Variants in SHLD2 observed in about 807,000 individuals in gnomAD.
The protein encoded by SHLD2 is RINN1-REV7-interacting novel NHEJ regulator 2.
A neutral mutation model predicts 73.2 loss-of-function variants in SHLD2; 30 were observed. The ratio of observed to expected loss-of-function variants is 0.41; its 90% CI spans 0.31 to 0.56. The LOEUF (loss-of-function observed/expected upper bound fraction) is 0.56, where lower values mean the gene tolerates loss of function less well. SHLD2 is among the 20% of genes least tolerant of loss of function. SHLD2 has a pLI of 0.28. For synonymous variants in SHLD2, 285 were observed against 370.1 expected (o/e 0.77, Z 2.64); for missense variants, 745 against 1,055.9 (o/e 0.71, Z 4.08).
intron 2 of SHLD2, among the ~76,000 whole-genome samples, chr10:87,149,107 C>T (rs1422428492): frequency 3.3e-5 from 5 of 151,690 alleles, no homozygotes; most frequent in East Asian, 2.0e-4. Flanking sequence ...AGGCTGGTCT[C>T]GGACTCCTGA....
At chr10:87,102,517 G>C (rs1428322277) in intron 2 of SHLD2, among the ~76,000 whole-genome samples, 1 of 151,908 alleles carries the variant, frequency 6.6e-6, no homozygotes, top group African/African-American at 2.4e-5. Flanking sequence ...AGACCAGCCT[G>C]GCCAACATGG....
chr10:87,142,301 A>G (rs1845253226), intron 2 of SHLD2, among the ~76,000 whole-genome samples: 1 of 152,240 alleles, frequency 6.6e-6, no homozygotes, highest in Non-Finnish European at 1.5e-5. Context: ...CTTTGGGAGC[A>G]TATGTCATAT....
chr10:87,181,478 A>T, intron 8 of SHLD2, among the ~76,000 whole-genome samples: 1 of 152,230 alleles, frequency 6.6e-6, no homozygotes, highest in Non-Finnish European at 1.5e-5. Flanking sequence ...TGACTTATTT[A>T]TGTCATTCCA....
intron 2 of SHLD2, among the ~76,000 whole-genome samples, chr10:87,112,567 C>T (rs1449401020): frequency 2.7e-5 from 4 of 148,896 alleles, no homozygotes; most frequent in South Asian, 2.2e-4. Context: ...CCTGTGCCGT[C>T]GAGGCTGCAG....
chr10:87,190,886 CTTA>C lies in SHLD2; in HGVS notation c.*204_*206del. ...AAAGATTGTTTTTGTCTTTTGGTTT[CTTA>C]CTTTCTCCTGGAGAAATGATCTACC... On this transcript the variant is annotated 3_prime_UTR_variant, in exon 10 of 10. Coordinates refer to ENST00000298786, the MANE Select transcript of SHLD2 (RefSeq NM_001330112.2). 3.4e-6 allele frequency: 2 copies of C among 587,822 alleles called. No homozygotes were observed. The highest frequency in any genetic ancestry group is 4.2e-5 in the South Asian group (2 of 47,562). 36.4% of individuals were successfully genotyped at this position (587,822 alleles called of 1,614,324 possible).
intron 3 of SHLD2, among the ~76,000 whole-genome samples, chr10:87,155,830 A>G (rs999811491): frequency 2.0e-5 from 3 of 152,124 alleles, no homozygotes; most frequent in African/African-American, 7.2e-5. Context: ...ATTATAAGAC[A>G]TTTAGATGAT....
chr10:87,135,241 A>G (rs1184478662), intron 2 of SHLD2, among the ~76,000 whole-genome samples: 2 of 151,964 alleles, frequency 1.3e-5, no homozygotes, highest in Non-Finnish European at 1.5e-5. Flanking sequence ...TTCATTAACT[A>G]AAGTCCATAC....
At chr10:87,150,941 C>T (rs1315711818) in intron 2 of SHLD2, among the ~76,000 whole-genome samples, 1 of 151,924 alleles carries the variant, frequency 6.6e-6, no homozygotes, top group African/African-American at 2.4e-5. Flanking sequence ...ATTCTTCTGC[C>T]TCAGCCTTCA....
chr10:87,187,629 C>T (rs1185612557), intron 9 of SHLD2, among the ~76,000 whole-genome samples: 2 of 152,176 alleles, frequency 1.3e-5, no homozygotes, highest in African/African-American at 4.8e-5. Flanking sequence ...AAACTCCATT[C>T]CTGTTCTCAT....
chr10:87,145,131 C>T (rs1290056867), intron 2 of SHLD2, among the ~76,000 whole-genome samples: 1 of 151,296 alleles, frequency 6.6e-6, no homozygotes, highest in African/African-American at 2.4e-5. Context: ...TTAGTGGAGA[C>T]GGGGTTTCAC....
chr10:87,159,369 A>G (rs1846652928), intron 4 of SHLD2, among the ~76,000 whole-genome samples: 1 of 152,198 alleles, frequency 6.6e-6, no homozygotes, highest in Admixed American at 6.5e-5. Context: ...TATATTTATT[A>G]TGTGTTGACA....
rs1015494022 is a variant in SHLD2 at position 87,176,164 on chromosome 10, C to T, written c.2170+69C>T. 9 of 1,538,756 alleles carry T rather than the reference C, an allele frequency of 5.8e-6. No individual in the cohort carries two copies. In the African/African-American group the frequency reaches 1.1e-4, roughly 19 times the overall value. On this transcript the variant is annotated intron_variant, in intron 7 of 9. Coordinates refer to ENST00000298786, the MANE Select transcript of SHLD2 (RefSeq NM_001330112.2). ...TGAAACAGGGTCTTGCTCTGTTGCT[C>T]AGGCTGGAATACAGTGGTGTGAACA...
chr10:87,102,054 AT>A (rs1459025994), intron 2 of SHLD2, among the ~76,000 whole-genome samples: 1 of 151,852 alleles, frequency 6.6e-6, no homozygotes, highest in African/African-American at 2.4e-5. Context: ...GTTTTATTTC[AT>A]TTTCTTGCCT....
At chr10:87,095,324 A>T (rs778289787) in intron 1 of SHLD2, 76 bp downstream of exon 1, 507 of 151,662 alleles carry the variant, frequency 3.3e-3, no homozygotes, top group Non-Finnish European at 5.1e-3. Flanking sequence ...TGGCCTCTGT[A>T]GGGCGCTCAG....
At chr10:87,123,478 C>T (rs1395049001) in intron 2 of SHLD2, among the ~76,000 whole-genome samples, 3 of 151,728 alleles carry the variant, frequency 2.0e-5, no homozygotes, top group Non-Finnish European at 4.4e-5. Context: ...GCATTTTTAG[C>T]AGTTGTTGGC....
intron 2 of SHLD2, among the ~76,000 whole-genome samples, chr10:87,103,354 G>C (rs1326681604): frequency 6.6e-6 from 1 of 152,072 alleles, no homozygotes; most frequent in Non-Finnish European, 1.5e-5. Flanking sequence ...GGATACTATG[G>C]AAACAGCATA....
rs1256703709 is a variant in SHLD2 at position 87,151,913 on chromosome 10, A to G, written c.559A>G (p.Ile187Val). 3 of 1,611,414 alleles carry G rather than the reference A, an allele frequency of 1.9e-6. No individual in the cohort carries two copies. The highest frequency in any genetic ancestry group is 4.5e-5 in the East Asian group (2 of 44,854). Residue 187 changes from isoleucine (I) to valine (V), a missense_variant, in exon 3 of 10, where the codon ATT becomes GTT. Physicochemically the swap from Ile to Val is conservative, Grantham distance 29. This residue lies in a region of SHLD2 where 280 missense variants were observed against 353.9 expected (regional missense o/e 0.79). Transcript: ENST00000298786. ...GGATTTGGTTTGTAGTACTGAAAAAATTAATATAGGGCCTGAAGTGGTACA... is the reference window on the plus strand; with the variant it reads ...GGATTTGGTTTGTAGTACTGAAAAAGTTAATATAGGGCCTGAAGTGGTACA... ...VLDLVCSTEKINIGPEVVQRE... is the reference protein window; with the variant it reads ...VLDLVCSTEKVNIGPEVVQRE...
intron 8 of SHLD2, among the ~76,000 whole-genome samples, chr10:87,185,569 C>T (rs1032168307): frequency 6.6e-6 from 1 of 152,300 alleles, no homozygotes; most frequent in Admixed American, 6.5e-5. Flanking sequence ...ATATTCTTGC[C>T]AGTACTTCTT....
chr10:87,162,065 GAA>G (rs1215972080), intron 4 of SHLD2, among the ~76,000 whole-genome samples: 3 of 151,474 alleles, frequency 2.0e-5, no homozygotes, highest in Non-Finnish European at 4.4e-5. Flanking sequence ...TAGCCATTTG[GAA>G]AAAAGGGAAA....
Sources: gnomAD v4.1 joint callset for allele counts (sites outside exome capture counted in the v4.1 genomes callset) on GRCh38, gnomAD v4.1.1 for gene constraint, gnomAD v4.1.1 regional missense constraint, MANE v1.5 for transcripts, NCBI Gene and HGNC (gene_info 2026-07-23, HGNC 2026-07-21) for gene names.